Variants in RPS6KA6 observed in about 807,000 individuals in gnomAD.
RPS6KA6 encodes the protein ribosomal protein S6 kinase A6, also known as ribosomal protein S6 kinase alpha-6.
Under a neutral mutation model 65.4 loss-of-function variants are expected in RPS6KA6, and 27 were observed. That is an observed-to-expected ratio of 0.41 (90% CI 0.30 to 0.57). RPS6KA6 has a LOEUF of 0.57. Among genes scored for constraint, RPS6KA6 ranks in the 20% least tolerant of loss-of-function variants. The probability of loss-of-function intolerance (pLI) is 0.24; values close to 1 mark genes in which losing one functional copy is unlikely to be tolerated. For synonymous variants in RPS6KA6, 190 were observed against 184.2 expected (o/e 1.03, Z -0.26); for missense variants, 486 against 555.6 (o/e 0.87, Z 1.26).
intron 6 of RPS6KA6, among the ~76,000 whole-genome samples, chrX:84,136,185 T>G (rs1162743530): frequency 9.0e-6 from 1 of 111,669 alleles, no homozygotes; most frequent in Non-Finnish European, 1.9e-5. Context: ...TTTTTAAGGT[T>G]TAGCAAGAAC....
intron 12 of RPS6KA6, among the ~76,000 whole-genome samples, chrX:84,109,575 T>C (rs900327537): frequency 9.0e-6 from 1 of 111,087 alleles, no homozygotes; most frequent in Non-Finnish European, 1.9e-5. Context: ...GTCTGCAATA[T>C]GCATTGATGC....
At chrX:84,093,026 T>C (rs755881154) in intron 20 of RPS6KA6, among the ~76,000 whole-genome samples, 1 of 112,345 alleles carries the variant, frequency 8.9e-6, no homozygotes, top group Middle Eastern at 4.6e-3. Context: ...AATCCTATCA[T>C]TTGTGGCAAC....
chrX:84,112,336 C>T (rs180900917), intron 12 of RPS6KA6, among the ~76,000 whole-genome samples: 57 of 112,006 alleles, frequency 5.1e-4, no homozygotes, highest in African/African-American at 1.8e-3. Flanking sequence ...TGGATGTTTA[C>T]AGAATATTCT....
intron 20 of RPS6KA6, among the ~76,000 whole-genome samples, chrX:84,082,390 C>T (rs747397414): frequency 1.8e-4 from 20 of 111,248 alleles, no homozygotes; most frequent in Admixed American, 9.5e-5. Flanking sequence ...AACTTACAAG[C>T]GATGTGAAGG....
intron 20 of RPS6KA6, among the ~76,000 whole-genome samples, chrX:84,078,497 C>A (rs1157669618): frequency 9.0e-6 from 1 of 111,306 alleles, no homozygotes; most frequent in African/African-American, 3.3e-5. Context: ...CATAGATATT[C>A]ATAGCAGCTT....
At chrX:84,076,535 C>A (rs1306935076) in intron 20 of RPS6KA6, among the ~76,000 whole-genome samples, 1 of 111,502 alleles carries the variant, frequency 9.0e-6, no homozygotes, top group African/African-American at 3.3e-5. Flanking sequence ...AATGTAACAA[C>A]AATAAAGAAA....
At chrX:84,153,018 T>C (rs767713767) in intron 3 of RPS6KA6, among the ~76,000 whole-genome samples, 1 of 111,533 alleles carries the variant, frequency 9.0e-6, no homozygotes, top group South Asian at 3.7e-4. Flanking sequence ...CTCAATCACA[T>C]GGACGTTTAT....
At chrX:84,127,332 C>G (rs2034813030) in intron 8 of RPS6KA6, among the ~76,000 whole-genome samples, 1 of 111,147 alleles carries the variant, frequency 9.0e-6, no homozygotes, top group Admixed American at 9.5e-5. Flanking sequence ...AATAAAAAGT[C>G]TCCCAGTAAT....
chrX:84,118,436 G>A (rs1239557653), intron 9 of RPS6KA6, among the ~76,000 whole-genome samples: 1 of 111,239 alleles, frequency 9.0e-6, no homozygotes, highest in African/African-American at 3.3e-5. Flanking sequence ...TACACGTTGG[G>A]TAGTTAATAT....
intron 4 of RPS6KA6, among the ~76,000 whole-genome samples, chrX:84,147,594 G>C (rs904171585): frequency 1.8e-5 from 2 of 111,581 alleles, no homozygotes; most frequent in Non-Finnish European, 3.8e-5. Flanking sequence ...TTATAGGTGT[G>C]AGCCACCATG....
chrX:84,152,350 G>C (rs1487922766), intron 3 of RPS6KA6, among the ~76,000 whole-genome samples: 1 of 109,927 alleles, frequency 9.1e-6, no homozygotes, highest in African/African-American at 3.3e-5. Flanking sequence ...CCTTCCCAAG[G>C]CTATGTTTAT....
chrX:84,147,002 G>T lies in RPS6KA6; in HGVS notation c.397C>A (p.Pro133Thr). The change falls in exon 5 of 22, where the codon CCA becomes ACA. Residue 133 changes from proline (P) to threonine (T), a missense_variant. Coordinates refer to ENST00000262752, the MANE Select transcript of RPS6KA6 (RefSeq NM_014496.5). ...ERDILVEVNH[P>T]FIVKLHYAFQ... is the part of the protein sequence containing the mutation. ...CCATAGTGCAATTTGACAATAAATGGATGATTTACTTCCACCAGTATATCC... is the reference window on the plus strand; with the variant it reads ...CCATAGTGCAATTTGACAATAAATGTATGATTTACTTCCACCAGTATATCC... 8.5e-7 allele frequency: 1 copy of T among 1,178,198 alleles called. No homozygotes were observed. The highest frequency in any genetic ancestry group is 1.1e-6 in the Non-Finnish European group (1 of 870,674).
intron 5 of RPS6KA6, among the ~76,000 whole-genome samples, chrX:84,146,386 C>G (rs909571269): frequency 9.0e-6 from 1 of 111,507 alleles, no homozygotes; most frequent in Non-Finnish European, 1.9e-5. Flanking sequence ...ACAAAGTACA[C>G]TATATCAGAG....
intron 1 of RPS6KA6, among the ~76,000 whole-genome samples, chrX:84,176,878 A>G (rs1416644744): frequency 8.9e-6 from 1 of 112,312 alleles, no homozygotes; most frequent in Non-Finnish European, 1.9e-5. Context: ...GACAGCTATT[A>G]CACAACCTTA....
At chrX:84,083,501 T>C (rs1416334216) in intron 20 of RPS6KA6, among the ~76,000 whole-genome samples, 3 of 112,159 alleles carry the variant, frequency 2.7e-5, no homozygotes, top group Admixed American at 9.5e-5. Context: ...TGTTCCTGAG[T>C]TAGTTTGCTA....
At chrX:84,085,022 A>AT (rs749515312) in intron 20 of RPS6KA6, among the ~76,000 whole-genome samples, 1 of 111,739 alleles carries the variant, frequency 8.9e-6, no homozygotes, top group African/African-American at 3.2e-5. Flanking sequence ...TTGTTGGGGC[A>AT]TAGAAATGCT....
In RPS6KA6 at chrX:84,118,996, TATG is replaced by T. The variant is rs779838897; in HGVS notation, c.789+886_789+888del. 2.0e-4 allele frequency among the ~76,000 whole-genome samples: 22 copies of T among 112,016 alleles called. No homozygotes were observed. In the South Asian group the frequency reaches 8.1e-3, roughly 41 times the overall value. ...AACTGGTTCTCCAAGTCTTTGCTAA[TATG>T]ATCACAATAACTCTCCTTCTTGACA... On this transcript the variant is annotated intron_variant, in intron 9 of 21. Coordinates refer to ENST00000262752, the MANE Select transcript of RPS6KA6 (RefSeq NM_014496.5).
intron 1 of RPS6KA6, among the ~76,000 whole-genome samples, chrX:84,182,639 G>A (rs1441310716): frequency 1.8e-5 from 2 of 111,742 alleles, no homozygotes; most frequent in African/African-American, 6.5e-5. Flanking sequence ...ACTAATCAAG[G>A]TAGGGAAATA....
intron 12 of RPS6KA6, among the ~76,000 whole-genome samples, chrX:84,108,397 T>C (rs2034403459): frequency 1.8e-5 from 2 of 111,947 alleles, no homozygotes. Context: ...GCCTCTCTCA[T>C]GGTGAGGAAT....
Sources: allele counts gnomAD v4.1 joint callset (sites outside exome capture counted in the v4.1 genomes callset), GRCh38; gene constraint gnomAD v4.1.1; transcripts MANE v1.5; gene names NCBI Gene and HGNC (gene_info 2026-07-23, HGNC 2026-07-21).